The following AASDH variants were observed in gnomAD, a reference collection of about 807,000 sequenced individuals.
AASDH encodes the protein aminoadipate-semialdehyde dehydrogenase.
In AASDH, 81 loss-of-function variants were observed where a neutral mutation model predicts 102.3. The observed-to-expected ratio is 0.79, with a 90% CI of 0.66 to 0.95. The LOEUF (loss-of-function observed/expected upper bound fraction) is 0.95, where lower values mean the gene tolerates loss of function less well. Among genes scored for constraint, AASDH ranks in the 40% least tolerant of loss-of-function variants. The pLI, the probability that AASDH is intolerant of heterozygous loss-of-function variation, is 0.00. For missense variants in AASDH, 1,203 were observed against 1,266.2 expected, an observed-to-expected ratio of 0.95 and a Z score of 0.76; for synonymous variants, 398 against 454.0, an observed-to-expected ratio of 0.88 and a Z score of 1.57.
intron 3 of AASDH, among the ~76,000 whole-genome samples, chr4:56,380,366 C>T (rs1227345119): frequency 6.6e-6 from 1 of 152,030 alleles, no homozygotes; most frequent in East Asian, 1.9e-4. Context: ...GAAATATAAC[C>T]TAAGTTTTCA....
intron 11 of AASDH, 122 bp downstream of exon 11, chr4:56,349,141 T>C (rs1445577799): frequency 2.8e-6 from 3 of 1,069,124 alleles, no homozygotes; most frequent in African/African-American, 1.6e-5. Context: ...GGGTTAACTA[T>C]AATTTTTGGA....
In AASDH at chr4:56,343,622, G is replaced by T. The variant is rs775828316; in HGVS notation, c.2715C>A (p.Asn905Lys). 2 of 1,610,656 alleles carry T rather than the reference G, an allele frequency of 1.2e-6. No homozygotes were observed. Among genetic ancestry groups the T allele is most frequent in the Admixed American group, 3.4e-5 (2 of 59,688 alleles). Residue 905 changes from asparagine to lysine, a missense_variant, in exon 13 of 15, where the codon AAC becomes AAA. Physicochemically the swap from Asn to Lys is moderately conservative, Grantham distance 94. Coordinates refer to ENST00000205214, the MANE Select transcript of AASDH (RefSeq NM_181806.4). ...CAAAATACAAATGATGTGGAATCAG[G>T]TTCAAACACGGAGAGGAAAAGACAG... ...GGTVFSSPCL[N>K]LIPHHLYFAT... is the part of the protein sequence containing the mutation.
chr4:56,371,762 T>C (rs1327491373), intron 4 of AASDH, 119 bp from the exon 5 acceptor site: 5 of 978,616 alleles, frequency 5.1e-6, no homozygotes, highest in Admixed American at 7.5e-5. Flanking sequence ...GATTTTATTC[T>C]TCTCTCTTAA....
chr4:56,344,938 TTC>T (rs1302199852), intron 12 of AASDH, among the ~76,000 whole-genome samples, 187 bp downstream of exon 12: 3 of 138,318 alleles, frequency 2.2e-5, no homozygotes, highest in East Asian at 2.0e-4. Flanking sequence ...TGAATTTTCT[TTC>T]TTTTTTTTTT....
At chr4:56,343,010 C>A in intron 13 of AASDH, 44 bp from the exon 14 acceptor site, 1 of 1,496,780 alleles carries the variant, frequency 6.7e-7, no homozygotes, top group East Asian at 2.5e-5. Context: ...TGTCATCCTA[C>A]TAATCAGTTA....
intron 3 of AASDH, chr4:56,382,234 G>A: frequency 2.8e-6 from 1 of 354,636 alleles, no homozygotes; most frequent in Non-Finnish European, 5.1e-6. Flanking sequence ...GAGATTTTTG[G>A]TTGTTATGAC....
Position 56,378,247 on chromosome 4 carries a change from T to C in AASDH, c.569A>G (p.His190Arg), listed in dbSNP as rs1752576572. The C allele has an allele frequency of 1.2e-6, 2 of 1,614,212 alleles. No homozygotes were observed. The highest frequency in any genetic ancestry group is 1.3e-5 in the African/African-American group (1 of 75,038). The stretch of plus-strand genomic sequence containing the variant: ...TGTATGTAGAACATAGGCTAAGCAA[T>C]GCTTTAGCCTCAGATCCATGTGTTC... ...AEEHMDLRLK[H>R]CLAYVLHTSG... The change falls in exon 4 of 15, where the codon CAT (histidine) becomes CGT (arginine). Residue 190 changes from histidine (H) to arginine (R), a missense_variant. Coordinates refer to ENST00000205214, the MANE Select transcript of AASDH (RefSeq NM_181806.4).
intron 4 of AASDH, among the ~76,000 whole-genome samples, chr4:56,375,037 G>C (rs1294732422): frequency 6.6e-6 from 1 of 152,048 alleles, no homozygotes; most frequent in Admixed American, 6.5e-5. Context: ...TCTGGAGGTA[G>C]TGCTGCCTTT....
chr4:56,346,812 G>A (rs1748377956), intron 11 of AASDH, among the ~76,000 whole-genome samples: 1 of 152,260 alleles, frequency 6.6e-6, no homozygotes, highest in Middle Eastern at 3.4e-3. Flanking sequence ...GGAGGCTGAG[G>A]TGGGCAGATC....
At chr4:56,341,352 C>G (rs942684248) in intron 14 of AASDH, among the ~76,000 whole-genome samples, 4 of 148,410 alleles carry the variant, frequency 2.7e-5, no homozygotes, top group African/African-American at 1.0e-4. Flanking sequence ...GAAATCATGT[C>G]ATTTGCAGCA....
chr4:56,366,225 T>TTA (rs1298774174), intron 5 of AASDH, among the ~76,000 whole-genome samples: 2 of 152,286 alleles, frequency 1.3e-5, no homozygotes, highest in African/African-American at 2.4e-5. Context: ...GAGGCAATAA[T>TTA]TAATAGCCTA....
At position 56,382,564 on chromosome 4, in the gene AASDH, G is replaced by T. The variant is rs202223246; in HGVS notation, c.264C>A (p.Ile88=). The part of the protein sequence containing the change: ...ILQVPAAYVP[I]EPDSPPSLST... ...ATAATGACGGTGGTGAATCTGGCTC[G>T]ATAGGTACATAAGCAGCCGGGACTT... Residue 88 remains isoleucine, a synonymous_variant, in exon 3 of 15, where the codon ATC becomes ATA. Transcript: ENST00000205214. 1 of 1,611,830 alleles carries T rather than the reference G, an allele frequency of 6.2e-7. No homozygotes were observed. Among genetic ancestry groups the T allele is most frequent in the South Asian group, 1.1e-5 (1 of 90,622 alleles).
At chr4:56,338,816 A>ATAAT (rs1560557124) in intron 14 of AASDH, 25 bp from the exon 15 acceptor site, 1 of 1,593,580 alleles carries the variant, frequency 6.3e-7, no homozygotes, top group Admixed American at 1.7e-5. Flanking sequence ...AAAAATAAAT[A>ATAAT]TAATTCATTC....
At position 56,351,328 on chromosome 4, in the gene AASDH, C is replaced by G; in HGVS notation, c.1692+14G>C. The G allele has an allele frequency of 6.8e-7, 1 of 1,467,556 alleles. No individual in the cohort carries two copies. The highest frequency in any genetic ancestry group is 9.5e-7 in the Non-Finnish European group (1 of 1,056,548). 90.9% of individuals were successfully genotyped at this position (1,467,556 alleles called of 1,614,324 possible). ...CCTCTTTATAATAATAATTTTATAA[C>G]TTAAAAATTGTACCTTCCACAAATA... On this transcript the variant is annotated intron_variant, in intron 10 of 14. Transcript: ENST00000205214.
chr4:56,362,950 G>C (rs926478402), intron 5 of AASDH, among the ~76,000 whole-genome samples: 2 of 152,210 alleles, frequency 1.3e-5, no homozygotes, highest in Non-Finnish European at 2.9e-5. Context: ...AAGCGCCAAG[G>C]GGTCAGGGAA....
chr4:56,338,492 AGAG>A lies in AASDH; in HGVS notation c.3204_3206del (p.Ser1070del). ...GCATTGATTCCAGGACCACAGGAGA[AGAG>A]AAGACTTCTCCAGGAAGTTCATAAA... is the stretch of plus-strand genomic sequence containing the variant. On this transcript the variant is annotated inframe_deletion, in exon 15 of 15. Transcript: ENST00000205214. 6.2e-7 allele frequency: 1 copy of A among 1,614,008 alleles called. No homozygotes were observed. The highest frequency in any genetic ancestry group is 8.5e-7 in the Non-Finnish European group (1 of 1,179,980).
chr4:56,355,593 GTTT>G (rs149149581), intron 5 of AASDH, among the ~76,000 whole-genome samples, 170 bp from the exon 6 acceptor site: 1,092 of 91,900 alleles, frequency 0.012, 10 homozygotes, highest in African/African-American at 0.036. Context: ...TTATCTTCTT[GTTT>G]TTTTTTTTTT....
At chr4:56,354,849 C>G (rs1271976780) in intron 6 of AASDH, 38 bp from the exon 7 acceptor site, 2 of 1,468,472 alleles carry the variant, frequency 1.4e-6, no homozygotes, top group African/African-American at 2.8e-5. Flanking sequence ...TAAAATTTTT[C>G]ATTTGAATAG....
intron 8 of AASDH, 62 bp downstream of exon 8, chr4:56,353,977 G>T: frequency 7.1e-7 from 1 of 1,417,362 alleles, no homozygotes; most frequent in Non-Finnish European, 9.4e-7. Flanking sequence ...ACAGAAAATT[G>T]GTGGTGGCTG....
Sources: gnomAD v4.1 joint callset for allele counts (sites outside exome capture counted in the v4.1 genomes callset) on GRCh38, gnomAD v4.1.1 for gene constraint, MANE v1.5 for transcripts, NCBI Gene and HGNC (gene_info 2026-07-23, HGNC 2026-07-21) for gene names.